The following FBXL13 variants were observed in gnomAD, a reference collection of about 807,000 sequenced individuals.
FBXL13 encodes F-box and leucine rich repeat protein 13, also known as F-box and leucine-rich repeat protein 13.
A neutral mutation model predicts 83.6 loss-of-function variants in FBXL13; 67 were observed. The observed-to-expected ratio is 0.80, with a 90% confidence interval of 0.66 to 0.98. The LOEUF (loss-of-function observed/expected upper bound fraction) is 0.98. Ranked by LOEUF, FBXL13 falls within the 50% of genes least tolerant of loss-of-function variation. FBXL13 has a pLI of 0.00. For missense variants in FBXL13, 822 were observed against 866.5 expected (o/e 0.95, Z 0.64); for synonymous variants, 272 against 299.5 (o/e 0.91, Z 0.95).
chr7:102,981,628 A>T (rs1260822186), intron 6 of FBXL13, among the ~76,000 whole-genome samples: 2 of 152,206 alleles, frequency 1.3e-5, no homozygotes, highest in South Asian at 4.1e-4. Context: ...GGCCTAAGAT[A>T]AAGTCTCCAG....
intron 6 of FBXL13, among the ~76,000 whole-genome samples, chr7:102,974,441 A>G (rs1471353952): frequency 2.0e-5 from 3 of 152,012 alleles, no homozygotes; most frequent in Non-Finnish European, 4.4e-5. Context: ...CAAGATATCC[A>G]TCCTCCTTGT....
chr7:102,820,475 G>T (rs1027880460), intron 19 of FBXL13, among the ~76,000 whole-genome samples: 1 of 152,110 alleles, frequency 6.6e-6, no homozygotes, highest in African/African-American at 2.4e-5. Flanking sequence ...TTTTTTGCAC[G>T]TATATTTTTT....
chr7:102,854,930 A>G, intron 16 of FBXL13, 70 bp from the exon 18 acceptor site: 1 of 840,804 alleles, frequency 1.2e-6, no homozygotes, highest in Non-Finnish European at 1.8e-6. Flanking sequence ...TCCAATAACC[A>G]TTTATACAAA....
At position 103,073,771 on chromosome 7, in the gene FBXL13, G is replaced by T. The variant is rs534704229; in HGVS notation, c.-105+475C>A. Among the ~76,000 whole-genome samples, 5 of 152,072 alleles carry T rather than the reference G, an allele frequency of 3.3e-5. 1 individual carries two copies. The highest frequency in any genetic ancestry group is 1.2e-4 in the African/African-American group (5 of 41,476). On this transcript the variant is annotated intron_variant, in intron 1 of 19. Transcript: ENST00000313221. Reference sequence around the variant, plus strand: ...TTACCATCCAAAAAAGAGACGGGTGGGGGGTCTCTACCAAATTGCCCTCCC... The same window carrying T: ...TTACCATCCAAAAAAGAGACGGGTGTGGGGTCTCTACCAAATTGCCCTCCC...
chr7:102,848,058 C>A (rs143755907), intron 17 of FBXL13, among the ~76,000 whole-genome samples: 4 of 152,218 alleles, frequency 2.6e-5, no homozygotes, highest in African/African-American at 9.6e-5. Context: ...CATGTAAACA[C>A]ACATATATGC....
intron 6 of FBXL13, among the ~76,000 whole-genome samples, chr7:102,985,877 TCTCATAAAATGGGCATACTCA>T (rs1828884133): frequency 6.6e-6 from 1 of 152,100 alleles, no homozygotes; most frequent in South Asian, 2.1e-4. Context: ...CAAGTCTTTG[TCTCATAAAATGGGCATACTCA>T]CTCATAAAAT....
intron 16 of FBXL13, among the ~76,000 whole-genome samples, chr7:102,863,922 C>A (rs938328889): frequency 3.9e-5 from 6 of 151,944 alleles, no homozygotes; most frequent in Admixed American, 6.6e-5. Context: ...CCAATGCCAC[C>A]CCCTAAATAT....
chr7:102,871,050 C>A (rs1324470690), intron 16 of FBXL13, among the ~76,000 whole-genome samples: 1 of 152,192 alleles, frequency 6.6e-6, no homozygotes, highest in Non-Finnish European at 1.5e-5. Context: ...TTTTGACCTT[C>A]TTTCTTTAGT....
intron 11 of FBXL13, among the ~76,000 whole-genome samples, chr7:102,901,520 A>C (rs1341440391): frequency 1.3e-5 from 2 of 152,008 alleles, no homozygotes; most frequent in Non-Finnish European, 2.9e-5. Flanking sequence ...TTTTTTTTAT[A>C]ACCCATTAAC....
chr7:102,933,922 G>A (rs775567272), intron 8 of FBXL13: 4 of 1,603,824 alleles, frequency 2.5e-6, no homozygotes, highest in East Asian at 2.2e-5. Flanking sequence ...GGATGCGTGT[G>A]GTTACCATTG....
rs1019237691 is a variant in FBXL13, at chr7:102,923,164, T to C, written c.878+3110A>G. On this transcript the variant is annotated intron_variant, in intron 10 of 19. Coordinates refer to ENST00000313221, the Ensembl canonical transcript of FBXL13. ...TAAATCAAAGAATAGTTTTCAAGTA[T>C]TGAGAGAATATTTCCTCAATATTTT... Among the ~76,000 whole-genome samples the C allele has an allele frequency of 5.9e-5, 9 of 152,188 alleles. No individual in the cohort carries two copies. In the South Asian group the frequency reaches 1.9e-3, roughly 31 times the overall value.
chr7:103,046,002 A>C (rs1028840389), intron 2 of FBXL13, among the ~76,000 whole-genome samples: 2 of 152,208 alleles, frequency 1.3e-5, no homozygotes, highest in Non-Finnish European at 2.9e-5. Flanking sequence ...CCTTCGAGAG[A>C]ATACAGTGCA....
intron 6 of FBXL13, among the ~76,000 whole-genome samples, chr7:103,017,048 C>T (rs1398308708): frequency 5.3e-5 from 8 of 152,096 alleles, no homozygotes; most frequent in South Asian, 2.1e-4. Flanking sequence ...CCCTGACCTC[C>T]GAGTAGCCTA....
intron 10 of FBXL13, among the ~76,000 whole-genome samples, chr7:102,913,532 A>C (rs1021902668): frequency 6.6e-6 from 1 of 152,224 alleles, no homozygotes. Context: ...GGAGGCAATC[A>C]TATTGTTTGG....
intron 11 of FBXL13, among the ~76,000 whole-genome samples, chr7:102,899,472 T>C (rs2129464317): frequency 6.6e-6 from 1 of 152,338 alleles, no homozygotes; most frequent in East Asian, 1.9e-4. Context: ...TCTTCTGTGC[T>C]GCTGGAGAAG....
chr7:102,928,249 C>T (rs979317907), intron 9 of FBXL13, among the ~76,000 whole-genome samples: 1 of 152,116 alleles, frequency 6.6e-6, no homozygotes, highest in Admixed American at 6.5e-5. Flanking sequence ...CAAATTTAGA[C>T]CACTCCCATT....
At chr7:102,934,244 G>C (rs747517821) in intron 8 of FBXL13, 4 of 1,614,200 alleles carry the variant, frequency 2.5e-6, no homozygotes, top group South Asian at 1.1e-5. Context: ...GAAAAGCCTG[G>C]ATCTGCAGCA....
chr7:102,842,496 G>A (rs997650058), intron 17 of FBXL13, among the ~76,000 whole-genome samples: 4 of 152,222 alleles, frequency 2.6e-5, no homozygotes, highest in Admixed American at 2.6e-4. Flanking sequence ...TGATGAGAAT[G>A]ATTGATGAGA....
At chr7:103,070,608 T>C (rs1798856791) in intron 1 of FBXL13, among the ~76,000 whole-genome samples, 1 of 151,802 alleles carries the variant, frequency 6.6e-6, no homozygotes, top group Non-Finnish European at 1.5e-5. Flanking sequence ...AAAAGAGTTG[T>C]ATGCGGCTCA....
Sources: allele counts gnomAD v4.1 joint callset (sites outside exome capture counted in the v4.1 genomes callset), GRCh38; gene constraint gnomAD v4.1.1; transcripts MANE v1.5; gene names NCBI Gene and HGNC (gene_info 2026-07-23, HGNC 2026-07-21).